SLC9A1: variants seen among roughly 807,000 people sequenced by gnomAD.
The protein encoded by SLC9A1 is sodium/hydrogen exchanger 1.
A neutral mutation model predicts 67.9 loss-of-function variants in SLC9A1; 22 were observed. The observed-to-expected ratio is 0.32, with a 90% CI of 0.23 to 0.46. The LOEUF (loss-of-function observed/expected upper bound fraction) is 0.46. SLC9A1 is among the 20% of genes least tolerant of loss of function. SLC9A1 has a pLI of 1.00. For synonymous variants in SLC9A1, 421 were observed against 471.8 expected (o/e 0.89, Z 1.40); for missense variants, 686 against 1,094.8 (o/e 0.63, Z 5.27).
At chr1:27,120,062 C>T (rs2083294751) in intron 1 of SLC9A1, among the ~76,000 whole-genome samples, 1 of 151,598 alleles carries the variant, frequency 6.6e-6, no homozygotes, top group Admixed American at 6.6e-5. Flanking sequence ...CAGAGCAAGA[C>T]TCCACCTCAA....
chr1:27,103,972 A>G (rs2083166193), intron 5 of SLC9A1: 1 of 152,344 alleles, frequency 6.6e-6, no homozygotes, highest in Non-Finnish European at 1.5e-5. Context: ...TTCAATGAAA[A>G]TGGGCTTGGA....
In SLC9A1 at chr1:27,114,944, C is replaced by T. The variant is rs558824692; in HGVS notation, c.353-658G>A. ...TTCCTACTGAGTCCAGGCAGCTGCT[C>T]AAGACACGGCTCAAGGATGTCAGTG... On this transcript the variant is annotated intron_variant, in intron 1 of 11. Transcript: ENST00000263980. This position sits in a 1 kb window ranked among gnomAD's most constrained non-coding sequence, Gnocchi z 5.4. Among the ~76,000 whole-genome samples the T allele has an allele frequency of 6.8e-4, 103 of 152,276 alleles. No individual in the cohort carries two copies. The highest frequency in any genetic ancestry group is 2.3e-3 in the African/African-American group (97 of 41,552).
chr1:27,113,801 T>C, intron 2 of SLC9A1, 25 bp downstream of exon 2: 3 of 1,575,708 alleles, frequency 1.9e-6, no homozygotes, highest in African/African-American at 2.7e-5. Context: ...CGTTTGGACA[T>C]GGGCATGGCC....
At chr1:27,150,044 C>T (rs1288772619) in intron 1 of SLC9A1, among the ~76,000 whole-genome samples, 1 of 152,208 alleles carries the variant, frequency 6.6e-6, no homozygotes, top group East Asian at 1.9e-4. Flanking sequence ...AAAAGGTCAT[C>T]GCTTCCTTTT....
intron 1 of SLC9A1, among the ~76,000 whole-genome samples, chr1:27,131,705 C>T (rs896984701): frequency 2.7e-5 from 4 of 146,856 alleles, no homozygotes; most frequent in Admixed American, 2.0e-4. Flanking sequence ...TGAGATCGCA[C>T]CACTGCACTC....
chr1:27,115,084 A>C (rs1402861103), intron 1 of SLC9A1, among the ~76,000 whole-genome samples: 1 of 152,214 alleles, frequency 6.6e-6, no homozygotes, highest in Non-Finnish European at 1.5e-5. Flanking sequence ...GACTTGCCCA[A>C]AGTCACACAG....
At chr1:27,147,448 C>T (rs2083495611) in intron 1 of SLC9A1, among the ~76,000 whole-genome samples, 1 of 151,550 alleles carries the variant, frequency 6.6e-6, no homozygotes, top group South Asian at 2.1e-4. Flanking sequence ...CCGAGATCGC[C>T]TCACTGCACT....
intron 1 of SLC9A1, among the ~76,000 whole-genome samples, chr1:27,126,535 C>T (rs190488015): frequency 6.6e-6 from 1 of 152,282 alleles, no homozygotes; most frequent in East Asian, 1.9e-4. Flanking sequence ...CCCAGTCACG[C>T]TCAGTTCTGT....
At chr1:27,131,559 T>A (rs1277278381) in intron 1 of SLC9A1, among the ~76,000 whole-genome samples, 1 of 148,474 alleles carries the variant, frequency 6.7e-6, no homozygotes, top group Non-Finnish European at 1.5e-5. Context: ...ACCATCCTGG[T>A]CAACATGGTG....
chr1:27,143,016 C>T (rs1414543140), intron 1 of SLC9A1, among the ~76,000 whole-genome samples: 3 of 132,450 alleles, frequency 2.3e-5, no homozygotes, highest in Non-Finnish European at 4.6e-5. Context: ...CCTTCAGAAT[C>T]TGTGGCTTAC....
chr1:27,125,191 A>G (rs952584064), intron 1 of SLC9A1, among the ~76,000 whole-genome samples: 3 of 148,218 alleles, frequency 2.0e-5, no homozygotes, highest in African/African-American at 7.4e-5. Context: ...CCACTGCAGC[A>G]GCATCCAATC....
At position 27,109,693 on chromosome 1, in the gene SLC9A1, C is replaced by A. The variant is rs527454172; in HGVS notation, c.898G>T (p.Val300Leu). The A allele has an allele frequency of 1.9e-6, 3 of 1,614,004 alleles. No individual in the cohort carries two copies. The highest frequency in any genetic ancestry group is 2.5e-6 in the Non-Finnish European group (3 of 1,180,026). Reference sequence around the variant, plus strand: ...ACAAGCACCCCGCCCAGGGCCACCACGAAGAAGCTCAGGAAGCCGAGGAAG... The same window carrying A: ...ACAAGCACCCCGCCCAGGGCCACCAAGAAGAAGCTCAGGAAGCCGAGGAAG... ...DIFLGFLSFF[V>L]VALGGVLVGV... Residue 300 changes from valine (V) to leucine (L), a missense_variant, in exon 3 of 12, where the codon GTG becomes TTG. Physicochemically the swap from Val to Leu is conservative, Grantham distance 32 (BLOSUM62 1). Coordinates refer to ENST00000263980, the MANE Select transcript of SLC9A1 (RefSeq NM_003047.5). This position sits in a 1 kb window ranked among gnomAD's most constrained non-coding sequence, Gnocchi z 5.5.
At position 27,100,762 on chromosome 1, in the gene SLC9A1, C is replaced by G; in HGVS notation, c.2111-118G>C. The G allele has an allele frequency of 1.3e-6, 1 of 793,398 alleles. No homozygotes were observed. The highest frequency in any genetic ancestry group is 1.7e-5 in the African/African-American group (1 of 58,140). 49.1% of individuals were successfully genotyped at this position (793,398 alleles called of 1,614,324 possible). A position where few individuals can be genotyped will look rare whatever the true frequency, so the allele number is the denominator to read the frequency against. Reference sequence around the variant, plus strand: ...TCTCATGAGCACAGCCGTCCCGGTCCCAACAGGCCTCAGAAGCAGGCCTCT... The same window carrying G: ...TCTCATGAGCACAGCCGTCCCGGTCGCAACAGGCCTCAGAAGCAGGCCTCT... On this transcript the variant is annotated intron_variant, in intron 11 of 11. Coordinates refer to ENST00000263980, the MANE Select transcript of SLC9A1 (RefSeq NM_003047.5). The surrounding 1 kb of genome is among the most constrained non-coding windows in gnomAD (Gnocchi z 5.6).
intron 2 of SLC9A1, among the ~76,000 whole-genome samples, chr1:27,110,340 C>T (rs1383810930): frequency 6.6e-6 from 1 of 152,158 alleles, no homozygotes; most frequent in African/African-American, 2.4e-5. Flanking sequence ...AATGTCATTT[C>T]TTAACCTCTG....
In SLC9A1 at chr1:27,105,909, G is replaced by T; in HGVS notation, c.1461C>A (p.Val487=). 1 of 1,613,522 alleles carries T rather than the reference G, an allele frequency of 6.2e-7. No individual in the cohort carries two copies. Among genetic ancestry groups the T allele is most frequent in the Non-Finnish European group, 8.5e-7 (1 of 1,180,012 alleles). ...CCTGCACAAAGACGGTGAAGAAGAT[G>T]ACAGTGATGATGGCAGTGAGGAACA... ...CDLFLTAIIT[V]IFFTVFVQGM... is the part of the protein sequence containing the mutation. The change falls in exon 5 of 12, where the codon GTC becomes GTA. Residue 487 remains valine (V), a synonymous_variant. Coordinates refer to ENST00000263980, the MANE Select transcript of SLC9A1 (RefSeq NM_003047.5).
Position 27,125,237 on chromosome 1 carries a change from CTTTTTT to C in SLC9A1, c.353-10957_353-10952del, listed in dbSNP as rs71010327. Among the ~76,000 whole-genome samples the C allele has an allele frequency of 6.6e-3, 573 of 86,878 alleles. 1 individual carries two copies. The highest frequency in any genetic ancestry group is 0.015 in the Middle Eastern group (1 of 66). 57.0% of individuals were successfully genotyped at this position (86,878 alleles called of 152,430 possible). ...CTCTTTTCCTTCCTTCCTTTTCTTT[CTTTTTT>C]TTTTTTTTTTTTTTTTTTTTGAGAA... is the stretch of plus-strand genomic sequence containing the variant. On this transcript the variant is annotated intron_variant, in intron 1 of 11. Coordinates refer to ENST00000263980, the MANE Select transcript of SLC9A1 (RefSeq NM_003047.5).
chr1:27,113,798 A>AC, intron 2 of SLC9A1, 28 bp downstream of exon 2: 2 of 1,567,458 alleles, frequency 1.3e-6, no homozygotes, highest in South Asian at 2.3e-5. Context: ...TACCGTTTGG[A>AC]CATGGGCATG....
chr1:27,147,722 G>C (rs2083497816), intron 1 of SLC9A1, among the ~76,000 whole-genome samples: 1 of 152,194 alleles, frequency 6.6e-6, no homozygotes, highest in South Asian at 2.1e-4. Flanking sequence ...CAGGCCAGGA[G>C]CAGTGGCTTA....
chr1:27,129,557 G>A (rs566649934), intron 1 of SLC9A1, among the ~76,000 whole-genome samples: 1 of 152,204 alleles, frequency 6.6e-6, no homozygotes, highest in Non-Finnish European at 1.5e-5. Context: ...TGGGAGAAGA[G>A]GGGCAGCAAG....
Sources: allele counts gnomAD v4.1 joint callset (sites outside exome capture counted in the v4.1 genomes callset), GRCh38; gene constraint gnomAD v4.1.1; non-coding constraint Gnocchi (gnomAD v3.1); transcripts MANE v1.5; gene names NCBI Gene and HGNC (gene_info 2026-07-23, HGNC 2026-07-21).